Variants in TCF4 observed in about 807,000 individuals in gnomAD.
The protein encoded by TCF4 is transcription factor 4.
A neutral mutation model predicts 82.1 loss-of-function variants in TCF4; 3 were observed. The observed-to-expected ratio is 0.04, with a 90% CI of 0.02 to 0.09. The LOEUF (loss-of-function observed/expected upper bound fraction) is 0.09, where lower values mean the gene tolerates loss of function less well. TCF4 is among the 10% of genes least tolerant of loss of function. The pLI, the probability that TCF4 is intolerant of heterozygous loss-of-function variation, is 1.00. For missense variants in TCF4, 518 were observed against 852.7 expected (o/e 0.61, Z 4.89); for synonymous variants, 276 against 309.6 (o/e 0.89, Z 1.14).
intron 5 of TCF4, among the ~76,000 whole-genome samples, chr18:55,451,089 G>T (rs2095613941): frequency 6.6e-6 from 1 of 152,160 alleles, no homozygotes; most frequent in Non-Finnish European, 1.5e-5. Context: ...TTTTGGTCTT[G>T]ATGTTTACAG....
At chr18:55,480,787 C>T (rs571497129) in intron 3 of TCF4, among the ~76,000 whole-genome samples, 1 of 152,166 alleles carries the variant, frequency 6.6e-6, no homozygotes, top group South Asian at 2.1e-4. Context: ...TTACTTTGTA[C>T]AAAATCTGGC....
chr18:55,381,777 A>G (rs903364570), intron 6 of TCF4, among the ~76,000 whole-genome samples: 3 of 152,202 alleles, frequency 2.0e-5, no homozygotes, highest in Non-Finnish European at 4.4e-5. Context: ...CAAGAATGGG[A>G]GCGTCAGGCT....
intron 12 of TCF4, 62 bp from the exon 13 acceptor site, chr18:55,260,089 A>C: frequency 7.6e-7 from 1 of 1,312,192 alleles, no homozygotes; most frequent in Non-Finnish European, 1.1e-6. Flanking sequence ...ACACTTTTCT[A>C]AACTACGAAG....
intron 6 of TCF4, among the ~76,000 whole-genome samples, chr18:55,357,682 T>C (rs1367711618): frequency 6.6e-6 from 1 of 152,170 alleles, no homozygotes; most frequent in Admixed American, 6.6e-5. Context: ...GGAAGTTCCA[T>C]TTCAAGGTTG....
intron 6 of TCF4, among the ~76,000 whole-genome samples, chr18:55,390,525 G>GC (rs2093002345): frequency 6.6e-6 from 1 of 152,076 alleles, no homozygotes; most frequent in South Asian, 2.1e-4. Context: ...GCTCTATACA[G>GC]CTGATTTAGG....
chr18:55,334,961 T>G (rs1305354994), intron 8 of TCF4, among the ~76,000 whole-genome samples: 1 of 152,198 alleles, frequency 6.6e-6, no homozygotes, highest in Non-Finnish European at 1.5e-5. Flanking sequence ...TGTTTTAAAT[T>G]TAATCATAAA....
intron 8 of TCF4, among the ~76,000 whole-genome samples, chr18:55,280,629 A>G (rs1323076273): frequency 6.6e-6 from 1 of 152,176 alleles, no homozygotes; most frequent in Non-Finnish European, 1.5e-5. Context: ...CTCTTGATGA[A>G]AATGGATACC....
upstream of TCF4, among the ~76,000 whole-genome samples, chr18:55,592,506 C>T (rs1568479089): frequency 6.6e-6 from 1 of 152,122 alleles, no homozygotes; most frequent in Non-Finnish European, 1.5e-5. Flanking sequence ...TCTCAGCTAA[C>T]CCTAGTTATC....
chr18:55,439,153 T>C (rs1437289042), intron 5 of TCF4, among the ~76,000 whole-genome samples: 1 of 152,196 alleles, frequency 6.6e-6, no homozygotes, highest in Non-Finnish European at 1.5e-5. Context: ...AAAAACTTCA[T>C]GAATTCCAAA....
intron 5 of TCF4, among the ~76,000 whole-genome samples, chr18:55,436,948 T>C (rs562992994): frequency 1.3e-5 from 2 of 152,208 alleles, no homozygotes; most frequent in East Asian, 1.9e-4. Flanking sequence ...TCCTAGAAGA[T>C]AGCAGAGATA....
At chr18:55,360,731 CT>C (rs35704472) in intron 6 of TCF4, among the ~76,000 whole-genome samples, 88 of 74,260 alleles carry the variant, frequency 1.2e-3, no homozygotes, top group East Asian at 1.6e-3. Context: ...GCCCCCCACC[CT>C]TTTTTTTTTT....
chr18:55,401,399 C>T (rs2093809182), intron 6 of TCF4: 1 of 1,086,402 alleles, frequency 9.2e-7, no homozygotes, highest in Non-Finnish European at 1.1e-6. Context: ...GGAATCTCCA[C>T]ACTCCACGGC....
At chr18:55,294,216 C>T (rs558376554) in intron 8 of TCF4, among the ~76,000 whole-genome samples, 11 of 150,386 alleles carry the variant, frequency 7.3e-5, no homozygotes, top group Non-Finnish European at 1.0e-4. Context: ...GCCGTGATCG[C>T]GCCACTGCAC....
At position 55,228,937 on chromosome 18, in the gene TCF4, G is replaced by C; in HGVS notation, c.1789C>G (p.Leu597Val). The C allele has an allele frequency of 6.2e-7, 1 of 1,614,154 alleles. No individual in the cohort carries two copies. The highest frequency in any genetic ancestry group is 8.5e-7 in the Non-Finnish European group (1 of 1,180,026). ...AFKELGRMVQ[L>V]HLKSDKPQTK... ...TGGGGCTTGTCACTCTTGAGGTGGA[G>C]CTGCACCATGCGGCCGAGCTCTTTG... The change falls in exon 18 of 20, where the codon CTC (leucine) becomes GTC (valine). Residue 597 changes from leucine to valine, a missense_variant. Physicochemically the swap from Leu to Val is conservative, Grantham distance 32. This residue lies in a region of TCF4 where 18 missense variants were observed against 116.7 expected (regional missense o/e 0.15). Transcript: ENST00000354452.
At chr18:55,284,150 T>G (rs2063188578) in intron 8 of TCF4, 1 of 152,168 alleles carries the variant, frequency 6.6e-6, no homozygotes, top group African/African-American at 2.4e-5. Flanking sequence ...CGGTGGCTCA[T>G]GCGTGTAATC....
intron 6 of TCF4, among the ~76,000 whole-genome samples, chr18:55,370,486 T>C (rs145473150): frequency 5.3e-5 from 8 of 149,960 alleles, no homozygotes; most frequent in Non-Finnish European, 1.0e-4. Flanking sequence ...GACAGACATA[T>C]AGACAGATAG....
At chr18:55,433,287 CA>C (rs1408234272) in intron 5 of TCF4, among the ~76,000 whole-genome samples, 1 of 152,164 alleles carries the variant, frequency 6.6e-6, no homozygotes, top group Non-Finnish European at 1.5e-5. Context: ...GGGTAAAATG[CA>C]GATAACAAAT....
At chr18:55,274,592 A>C (rs976803818) in intron 10 of TCF4, among the ~76,000 whole-genome samples, 2 of 152,182 alleles carry the variant, frequency 1.3e-5, no homozygotes, top group Non-Finnish European at 2.9e-5. Flanking sequence ...ATCAGAACAG[A>C]GAAAGAAACC....
At chr18:55,442,789 G>A (rs899600513) in intron 5 of TCF4, among the ~76,000 whole-genome samples, 1 of 152,204 alleles carries the variant, frequency 6.6e-6, no homozygotes. Flanking sequence ...GAAGCCAGGT[G>A]CATAGAAGAA....
Sources: allele counts gnomAD v4.1 joint callset (sites outside exome capture counted in the v4.1 genomes callset), GRCh38; gene constraint gnomAD v4.1.1; regional missense constraint gnomAD v4.1.1; transcripts MANE v1.5; gene names NCBI Gene and HGNC (gene_info 2026-07-23, HGNC 2026-07-21).